Variants in STXBP4 observed in about 807,000 individuals in gnomAD.
STXBP4 encodes syntaxin binding protein 4.
In STXBP4, 55 loss-of-function variants were observed where a neutral mutation model predicts 76.1. The observed-to-expected ratio is 0.72, with a 90% CI of 0.58 to 0.91. The LOEUF (loss-of-function observed/expected upper bound fraction) is 0.91, where lower values mean the gene tolerates loss of function less well. Among genes scored for constraint, STXBP4 ranks in the 40% least tolerant of loss-of-function variants. The pLI, the probability that STXBP4 is intolerant of heterozygous loss-of-function variation, is 0.00. For missense variants in STXBP4, 618 were observed against 636.9 expected (o/e 0.97, Z 0.32); for synonymous variants, 201 against 220.2 (o/e 0.91, Z 0.77).
intron 12 of STXBP4, among the ~76,000 whole-genome samples, chr17:55,070,612 CAT>C (rs1491314628): frequency 1.3e-5 from 2 of 152,128 alleles, no homozygotes; most frequent in Non-Finnish European, 2.9e-5. Context: ...ACTGTTTTCT[CAT>C]ATCATTTTCT....
At chr17:55,043,560 C>A in intron 11 of STXBP4, 1 of 1,452,548 alleles carries the variant, frequency 6.9e-7, no homozygotes, top group Non-Finnish European at 9.4e-7. Flanking sequence ...ATGGTTTTTG[C>A]TCATGTCTTC....
At chr17:55,139,773 C>T (rs1051335593) in intron 16 of STXBP4, among the ~76,000 whole-genome samples, 1 of 152,046 alleles carries the variant, frequency 6.6e-6, no homozygotes, top group African/African-American at 2.4e-5. Context: ...ATAAGAGGAA[C>T]ATTTGTTCAT....
At chr17:55,033,098 G>A (rs968479391) in intron 9 of STXBP4, among the ~76,000 whole-genome samples, 3 of 152,168 alleles carry the variant, frequency 2.0e-5, no homozygotes. Context: ...AGGAGGTCAG[G>A]TGCAGTGACT....
In STXBP4 at chr17:55,163,547, C is replaced by T. The variant is rs1217233004; in HGVS notation, c.*3636C>T. On this transcript the variant is annotated 3_prime_UTR_variant, in exon 18 of 18. Coordinates refer to ENST00000376352, the MANE Select transcript of STXBP4 (RefSeq NM_178509.6). ...ATCTGAATAATAAGGATAGTAATCC[C>T]TTGCCTTTTCTCAAACCAGTTCAAC... 6.6e-6 allele frequency: 1 copy of T among 152,190 alleles called. No individual in the cohort carries two copies. The allele number at this position is 152,190 out of a possible 1,614,324, so 9.4% of individuals were successfully genotyped here. A position where few individuals can be genotyped will look rare whatever the true frequency, so the allele number is the denominator to read the frequency against.
chr17:55,175,246 G>T (rs1318778937), downstream of STXBP4, among the ~76,000 whole-genome samples: 1 of 152,162 alleles, frequency 6.6e-6, no homozygotes, highest in Non-Finnish European at 1.5e-5. Flanking sequence ...TAGATGTATA[G>T]ATACCAAATC....
chr17:55,208,577 A>AGAAGGAAGGAAGGAAGGACGGAAG, the STXBP4 span, among the ~76,000 whole-genome samples: 1 of 90,334 alleles, frequency 1.1e-5, no homozygotes, highest in Non-Finnish European at 2.1e-5. Flanking sequence ...GAGGGAGGGA[A>AGAAGGAAGGAAGGAAGGACGGAAG]GAAGGAAGGA....
chr17:55,071,779 T>C (rs2079122854), intron 12 of STXBP4, among the ~76,000 whole-genome samples: 1 of 152,188 alleles, frequency 6.6e-6, no homozygotes, highest in Non-Finnish European at 1.5e-5. Context: ...CAAATGTATT[T>C]AGGCTCAAAC....
chr17:54,997,625 GAC>G (rs938593020), intron 4 of STXBP4, among the ~76,000 whole-genome samples: 55 of 139,754 alleles, frequency 3.9e-4, no homozygotes, highest in African/African-American at 1.4e-3. Context: ...TTTTTTTTGA[GAC>G]AGATTTTTGC....
intron 4 of STXBP4, among the ~76,000 whole-genome samples, chr17:54,995,431 A>T (rs1267138029): frequency 6.6e-6 from 1 of 152,218 alleles, no homozygotes; most frequent in Non-Finnish European, 1.5e-5. Flanking sequence ...TATTTTCTTC[A>T]GTTGGTTCTA....
At chr17:55,133,027 C>G (rs1349767538) in intron 16 of STXBP4, among the ~76,000 whole-genome samples, 1 of 151,238 alleles carries the variant, frequency 6.6e-6, no homozygotes, top group East Asian at 1.9e-4. Flanking sequence ...GATGGGGGAG[C>G]CAGGTCATGT....
At chr17:55,110,439 A>G (rs1395228299) in intron 16 of STXBP4, among the ~76,000 whole-genome samples, 3 of 152,122 alleles carry the variant, frequency 2.0e-5, no homozygotes, top group Non-Finnish European at 1.5e-5. Flanking sequence ...GCCTTGGAGG[A>G]TAGATAGAAT....
intron 16 of STXBP4, among the ~76,000 whole-genome samples, chr17:55,116,784 G>A (rs2079785293): frequency 6.6e-6 from 1 of 151,788 alleles, no homozygotes; most frequent in African/African-American, 2.4e-5. Context: ...GTGCTCTCCT[G>A]TTATAGCAGG....
chr17:55,189,006 G>A, the STXBP4 span, among the ~76,000 whole-genome samples: 1 of 152,052 alleles, frequency 6.6e-6, no homozygotes, highest in East Asian at 1.9e-4. Flanking sequence ...CTCCATCAAA[G>A]CCTGCCACCT....
intron 16 of STXBP4, among the ~76,000 whole-genome samples, chr17:55,123,347 C>T (rs9899800): frequency 0.064 from 9,699 of 151,940 alleles, 957 homozygotes; most frequent in African/African-American, 0.22. Context: ...ATCAATATGT[C>T]GAAATAAAAA....
At chr17:54,990,137 T>C (rs1567706191) in intron 3 of STXBP4, among the ~76,000 whole-genome samples, 1 of 152,222 alleles carries the variant, frequency 6.6e-6, no homozygotes, top group African/African-American at 2.4e-5. Context: ...ATTAAAAGTA[T>C]ATGCAAGCAA....
chr17:55,174,224 A>G (rs913833467), downstream of STXBP4, among the ~76,000 whole-genome samples: 3 of 152,182 alleles, frequency 2.0e-5, no homozygotes, highest in African/African-American at 7.2e-5. Context: ...TTTGTAGGGG[A>G]GAATGTTATT....
At chr17:55,143,939 G>A (rs1168742291) in intron 17 of STXBP4, among the ~76,000 whole-genome samples, 1 of 150,950 alleles carries the variant, frequency 6.6e-6, no homozygotes, top group Admixed American at 6.6e-5. Context: ...AGTCATCAAG[G>A]TCACACAGTA....
At chr17:55,183,440 TAAG>T in the STXBP4 span, among the ~76,000 whole-genome samples, 3 of 151,856 alleles carry the variant, frequency 2.0e-5, no homozygotes, top group Non-Finnish European at 4.4e-5. Flanking sequence ...AAATAATAAA[TAAG>T]AAGACAAGAA....
At chr17:55,154,268 G>C (rs780803827) in intron 17 of STXBP4, among the ~76,000 whole-genome samples, 25 of 152,262 alleles carry the variant, frequency 1.6e-4, no homozygotes, top group South Asian at 1.0e-3. Flanking sequence ...CATCAATTCT[G>C]TTACCTTCTA....
Sources: allele counts gnomAD v4.1 joint callset (sites outside exome capture counted in the v4.1 genomes callset), GRCh38; gene constraint gnomAD v4.1.1; transcripts MANE v1.5; gene names NCBI Gene and HGNC (gene_info 2026-07-23, HGNC 2026-07-21).